Variants in LINC00632 observed in about 807,000 individuals in gnomAD.
LINC00632 encodes the protein long independently transcribed non-coding RNA 632.
chrX:140,720,694 T>G (rs756641441), intron 2 of LINC00632, among the ~76,000 whole-genome samples: 1 of 112,104 alleles, frequency 8.9e-6, no homozygotes, highest in South Asian at 3.7e-4. Context: ...TCCGTATATT[T>G]TGGGGACAAC....
intron 3 of LINC00632, among the ~76,000 whole-genome samples, chrX:140,755,862 A>AG (rs1931484667): frequency 1.8e-5 from 2 of 111,404 alleles, no homozygotes; most frequent in African/African-American, 6.5e-5. Flanking sequence ...GAGATATTTT[A>AG]GGGGGGTCAG....
intron 2 of LINC00632, among the ~76,000 whole-genome samples, chrX:140,723,826 TGCAC>T (rs1930822900): frequency 4.9e-4 from 1 of 2,042 alleles, no homozygotes; most frequent in African/African-American, 2.1e-3. Context: ...ACACATTCCA[TGCAC>T]ACACACACAT....
intron 2 of LINC00632, among the ~76,000 whole-genome samples, chrX:140,724,411 CAT>C (rs1396905713): frequency 1.4e-5 from 1 of 73,048 alleles, no homozygotes; most frequent in Non-Finnish European, 2.7e-5. Context: ...ATTCCATACA[CAT>C]ACACACATTC....
chrX:140,714,546 G>T (rs1367204358), intron 2 of LINC00632: 1 of 112,054 alleles, frequency 8.9e-6, no homozygotes, highest in African/African-American at 3.3e-5. Context: ...GCTCCAGCCG[G>T]ACGCGGTGGC....
chrX:140,742,072 T>A (rs1931231827), intron 3 of LINC00632, among the ~76,000 whole-genome samples: 1 of 112,105 alleles, frequency 8.9e-6, no homozygotes, highest in Non-Finnish European at 1.9e-5. Context: ...CAACTTAATT[T>A]AACCTCACTG....
At chrX:140,777,617 G>A (rs1489990744) in exon 5 of LINC00632, among the ~76,000 whole-genome samples, 2 of 112,476 alleles carry the variant, frequency 1.8e-5, no homozygotes, top group South Asian at 3.7e-4. Context: ...ATATAGCCAT[G>A]GTTTTCAAAC....
At chrX:140,743,602 G>A (rs1386862902) in intron 3 of LINC00632, among the ~76,000 whole-genome samples, 6 of 111,288 alleles carry the variant, frequency 5.4e-5, no homozygotes, top group African/African-American at 2.0e-4. Context: ...TAATGATACA[G>A]TTATAAGACA....
chrX:140,721,623 C>A (rs183358797), intron 2 of LINC00632, among the ~76,000 whole-genome samples: 1 of 110,556 alleles, frequency 9.0e-6, no homozygotes, highest in African/African-American at 3.3e-5. Context: ...TGGTTCCTAG[C>A]AGGCCATGGA....
At chrX:140,766,713 A>G (rs1018088577) in intron 3 of LINC00632, among the ~76,000 whole-genome samples, 7 of 112,265 alleles carry the variant, frequency 6.2e-5, no homozygotes, top group Admixed American at 5.7e-4. Flanking sequence ...TAACAATGTA[A>G]AAGATGTATA....
chrX:140,738,082 T>G (rs1024960723), intron 3 of LINC00632, among the ~76,000 whole-genome samples: 3 of 112,235 alleles, frequency 2.7e-5, no homozygotes, highest in Non-Finnish European at 5.6e-5. Flanking sequence ...AAAGAATCAG[T>G]GTCAGCAATA....
chrX:140,776,541 C>T (rs957719880), exon 5 of LINC00632, among the ~76,000 whole-genome samples: 1 of 112,979 alleles, frequency 8.9e-6, no homozygotes, highest in Non-Finnish European at 1.9e-5. Flanking sequence ...TACCCAAGCC[C>T]GCGCGTGACC....
chrX:140,710,872 A>G (rs2148373744), intron 1 of LINC00632, among the ~76,000 whole-genome samples: 1 of 111,321 alleles, frequency 9.0e-6, no homozygotes, highest in East Asian at 2.8e-4. Context: ...TGCAGAGGGA[A>G]AGGGAGAGAA....
intron 2 of LINC00632, among the ~76,000 whole-genome samples, chrX:140,722,377 A>C (rs1046560326): frequency 2.7e-5 from 3 of 109,434 alleles, no homozygotes; most frequent in Admixed American, 2.0e-4. Context: ...AAAAAAAAAA[A>C]AACAACCTCA....
chrX:140,770,163 G>C (rs1772490202), intron 3 of LINC00632, among the ~76,000 whole-genome samples: 1 of 111,054 alleles, frequency 9.0e-6, no homozygotes, highest in African/African-American at 3.3e-5. Flanking sequence ...TAGGGGCTGG[G>C]TAAAATAAGG....
At chrX:140,732,935 G>A (rs1931083723) in intron 2 of LINC00632, among the ~76,000 whole-genome samples, 1 of 110,691 alleles carries the variant, frequency 9.0e-6, no homozygotes, top group African/African-American at 3.3e-5. Flanking sequence ...GCTAATTTTT[G>A]TATTTTTAGT....
intron 3 of LINC00632, among the ~76,000 whole-genome samples, chrX:140,759,086 T>C (rs1931545350): frequency 9.5e-6 from 1 of 105,053 alleles, no homozygotes; most frequent in Non-Finnish European, 1.9e-5. Flanking sequence ...TGCCTCAGCC[T>C]CCCGAATAGC....
At chrX:140,725,237 A>ACACATACTCAGACACACATTCCC (rs1930929158) in intron 2 of LINC00632, among the ~76,000 whole-genome samples, 3 of 103,065 alleles carry the variant, frequency 2.9e-5, no homozygotes, top group African/African-American at 1.1e-4. Context: ...CACACATTCC[A>ACACATACTCAGACACACATTCCC]TACACACACA....
intron 3 of LINC00632, among the ~76,000 whole-genome samples, chrX:140,767,545 T>C (rs1174108778): frequency 8.9e-6 from 1 of 111,974 alleles, no homozygotes; most frequent in Non-Finnish European, 1.9e-5. Flanking sequence ...CTCTTAAACA[T>C]TGGCTATGCA....
At chrX:140,773,439 A>G (rs1457137897) in exon 4 of LINC00632, among the ~76,000 whole-genome samples, 1 of 112,568 alleles carries the variant, frequency 8.9e-6, no homozygotes, top group Non-Finnish European at 1.9e-5. Flanking sequence ...AGAGGCTTCA[A>G]GCCTGGAAAA....
Sources: allele counts gnomAD v4.1 joint callset (sites outside exome capture counted in the v4.1 genomes callset), GRCh38; gene constraint gnomAD v4.1.1; transcripts MANE v1.5; gene names NCBI Gene and HGNC (gene_info 2026-07-23, HGNC 2026-07-21).